CDKAL1: variants seen among roughly 807,000 people sequenced by gnomAD.
CDKAL1 encodes CDKAL1 threonylcarbamoyladenosine tRNA methylthiotransferase.
Under a neutral mutation model 68.2 loss-of-function variants are expected in CDKAL1, and 32 were observed. The observed-to-expected ratio is 0.47, with a 90% CI of 0.35 to 0.63. The LOEUF (loss-of-function observed/expected upper bound fraction) is 0.63. CDKAL1 is among the 30% of genes least tolerant of loss of function. CDKAL1 has a pLI of 0.00. For synonymous variants in CDKAL1, 234 were observed against 244.3 expected, an observed-to-expected ratio of 0.96 and a Z score of 0.39; for missense variants, 606 against 696.7, an observed-to-expected ratio of 0.87 and a Z score of 1.47.
At chr6:20,903,560 A>G (rs1196368380) in intron 9 of CDKAL1, among the ~76,000 whole-genome samples, 1 of 152,180 alleles carries the variant, frequency 6.6e-6, no homozygotes, top group East Asian at 1.9e-4. Flanking sequence ...TGATTTCTCA[A>G]TCATGATTGC....
chr6:20,825,847 G>A (rs1194247909), intron 8 of CDKAL1, among the ~76,000 whole-genome samples: 1 of 152,060 alleles, frequency 6.6e-6, no homozygotes, highest in Non-Finnish European at 1.5e-5. Flanking sequence ...ACTTAGAGAG[G>A]TCCCCAAGAC....
At chr6:20,551,391 G>A (rs1274980456) in intron 4 of CDKAL1, among the ~76,000 whole-genome samples, 1 of 144,202 alleles carries the variant, frequency 6.9e-6, no homozygotes, top group Non-Finnish European at 1.5e-5. Context: ...TTTTTGAGAC[G>A]GAGTCTCGCT....
rs143228833 is a variant in CDKAL1 at position 20,592,628 on chromosome 6, C to G, written c.286+43923C>G. On this transcript the variant is annotated intron_variant, in intron 4 of 15. Coordinates refer to ENST00000274695, the MANE Select transcript of CDKAL1 (RefSeq NM_017774.3). ...GGATCACAGGCATGTGCCACCATGCCTGGCTAATTTTTTGTATCCTTAGTA... is the reference window on the plus strand; with the variant it reads ...GGATCACAGGCATGTGCCACCATGCGTGGCTAATTTTTTGTATCCTTAGTA... Among the ~76,000 whole-genome samples the G allele has an allele frequency of 2.7e-3, 413 of 152,224 alleles. 1 individual carries two copies. Among genetic ancestry groups the G allele is most frequent in the Non-Finnish European group, 4.3e-3 (293 of 68,014 alleles).
rs777984681 is a variant in CDKAL1, at chr6:21,108,492, A to G, written c.1299+29A>G. On this transcript the variant is annotated intron_variant, in intron 13 of 15. Transcript: ENST00000274695. Reference sequence around the variant, plus strand: ...AGAGAAGCATGTTAATAGCATATTAAGTATTAAAGTCTTTCCGAATGTATA... The same window carrying G: ...AGAGAAGCATGTTAATAGCATATTAGGTATTAAAGTCTTTCCGAATGTATA... 10 of 1,425,570 alleles carry G rather than the reference A, an allele frequency of 7.0e-6. No individual in the cohort carries two copies. In the Admixed American group the frequency reaches 1.2e-4, roughly 17 times the overall value. The allele number at this position is 1,425,570 out of a possible 1,614,324, so 88.3% of individuals were successfully genotyped here. A position where few individuals can be genotyped will look rare whatever the true frequency, so the allele number is the denominator to read the frequency against.
intron 8 of CDKAL1, among the ~76,000 whole-genome samples, chr6:20,798,163 T>G (rs1286153459): frequency 2.0e-5 from 3 of 151,892 alleles, no homozygotes; most frequent in Non-Finnish European, 2.9e-5. Context: ...AAAACTATGG[T>G]GATGGAGAAG....
chr6:20,897,093 G>A (rs1341508723), intron 9 of CDKAL1, among the ~76,000 whole-genome samples: 1 of 152,074 alleles, frequency 6.6e-6, no homozygotes, highest in African/African-American at 2.4e-5. Flanking sequence ...GCACGCTCTT[G>A]CCTTCAAAAA....
chr6:21,136,465 T>C (rs529323639), intron 13 of CDKAL1, among the ~76,000 whole-genome samples: 1 of 152,304 alleles, frequency 6.6e-6, no homozygotes, highest in Non-Finnish European at 1.5e-5. Context: ...GTATTATTGG[T>C]AGTAGTGTTA....
At chr6:21,137,838 G>C (rs1204410217) in intron 13 of CDKAL1, among the ~76,000 whole-genome samples, 2 of 152,102 alleles carry the variant, frequency 1.3e-5, no homozygotes, top group African/African-American at 4.8e-5. Context: ...TTTTTCCCAG[G>C]AGTGGAAAGC....
Position 20,535,894 on chromosome 6 carries a change from T to A in CDKAL1, c.-6+500T>A, listed in dbSNP as rs150210295. ...TTTGGATTTCCATTTCCCTGATGGC[T>A]CATGATGTTGACATCTTTTCATGTG... On this transcript the variant is annotated intron_variant, in intron 2 of 15. Transcript: ENST00000274695. 3.6e-3 allele frequency among the ~76,000 whole-genome samples: 554 copies of A among 152,318 alleles called. 6 individuals carry two copies. Among genetic ancestry groups the A allele is most frequent in the African/African-American group, 0.013 (533 of 41,576 alleles).
At chr6:21,210,714 CTT>C (rs1404028553) in intron 15 of CDKAL1, among the ~76,000 whole-genome samples, 1 of 152,158 alleles carries the variant, frequency 6.6e-6, no homozygotes, top group Non-Finnish European at 1.5e-5. Flanking sequence ...TCTCTGATGA[CTT>C]GAGGTATCAG....
At chr6:20,781,050 C>A in intron 7 of CDKAL1, 95 bp from the exon 8 acceptor site, 2 of 1,256,684 alleles carry the variant, frequency 1.6e-6, no homozygotes, top group East Asian at 2.4e-5. Context: ...CCCCTGCTCC[C>A]GAAAAGAAGT....
chr6:20,697,066 T>C lies in CDKAL1; in HGVS notation c.372-42453T>C, dbSNP rs368906569. On this transcript the variant is annotated intron_variant, in intron 5 of 15. Coordinates refer to ENST00000274695, the MANE Select transcript of CDKAL1 (RefSeq NM_017774.3). ...TTTCCTTGTTCTATTTCATTCAAAA[T>C]GAAAAAAATCATTAGAGAGATGCAA... Among the ~76,000 whole-genome samples the C allele has an allele frequency of 3.4e-4, 51 of 152,200 alleles. No individual in the cohort carries two copies. In the South Asian group the frequency reaches 0.01, roughly 31 times the overall value.
chr6:20,982,159 C>T (rs1190041384), intron 10 of CDKAL1, among the ~76,000 whole-genome samples: 2 of 151,854 alleles, frequency 1.3e-5, no homozygotes, highest in East Asian at 1.9e-4. Context: ...CTCCACCTCC[C>T]GGGCTCAAGC....
At chr6:20,957,294 C>G (rs1001713518) in intron 10 of CDKAL1, among the ~76,000 whole-genome samples, 1 of 152,178 alleles carries the variant, frequency 6.6e-6, no homozygotes, top group Non-Finnish European at 1.5e-5. Context: ...TCTGAGGTAA[C>G]TAACCAAATA....
chr6:21,000,437 T>C, intron 11 of CDKAL1, 65 bp downstream of exon 11: 1 of 1,353,730 alleles, frequency 7.4e-7, no homozygotes, highest in Non-Finnish European at 1.0e-6. Flanking sequence ...GTGGCAAAAA[T>C]GCACTTATTG....
intron 9 of CDKAL1, among the ~76,000 whole-genome samples, chr6:20,885,305 A>G (rs1761017302): frequency 6.6e-6 from 1 of 152,238 alleles, no homozygotes; most frequent in African/African-American, 2.4e-5. Context: ...CCACCATGGT[A>G]CTTGCATAGG....
At chr6:20,822,915 A>G (rs1357143563) in intron 8 of CDKAL1, among the ~76,000 whole-genome samples, 2 of 152,166 alleles carry the variant, frequency 1.3e-5, no homozygotes, top group African/African-American at 4.8e-5. Context: ...CCATGTGAAA[A>G]TGTACAAATA....
chr6:20,717,325 C>T lies in CDKAL1; in HGVS notation c.372-22194C>T, dbSNP rs146152167. Among the ~76,000 whole-genome samples, 716 of 151,726 alleles carry T rather than the reference C, an allele frequency of 4.7e-3. 6 individuals are homozygous for T. The highest frequency in any genetic ancestry group is 0.016 in the African/African-American group (652 of 41,340). On this transcript the variant is annotated intron_variant, in intron 5 of 15. Coordinates refer to ENST00000274695, the MANE Select transcript of CDKAL1 (RefSeq NM_017774.3). ...CATGCGTATATTTATGCTATTGAGT[C>T]TGATCCATTATAGAGGAAAAAAGCT...
Position 20,546,465 on chromosome 6 carries a change from C to A in CDKAL1, c.115C>A (p.Arg39=). The part of the protein sequence containing the change: ...FVRKDVVPKV[R]RRNTQKYLQE... ...AAGAAAGGATGTTGTCCCGAAGGTA[C>A]GAAGGCGAAATACCCAAAAATATTT... is the stretch of plus-strand genomic sequence containing the variant. The change falls in exon 3 of 16, where the codon CGA becomes AGA. Residue 39 remains arginine, a synonymous_variant. Coordinates refer to ENST00000274695, the MANE Select transcript of CDKAL1 (RefSeq NM_017774.3). 1 of 1,613,976 alleles carries A rather than the reference C, an allele frequency of 6.2e-7. No homozygotes were observed. Among genetic ancestry groups the A allele is most frequent in the African/African-American group, 1.3e-5 (1 of 75,006 alleles).
Sources: gnomAD v4.1 joint callset for allele counts (sites outside exome capture counted in the v4.1 genomes callset) on GRCh38, gnomAD v4.1.1 for gene constraint, MANE v1.5 for transcripts, NCBI Gene and HGNC (gene_info 2026-07-23, HGNC 2026-07-21) for gene names.